The following LRP1B variants were observed in gnomAD, a reference collection of about 807,000 sequenced individuals.
LRP1B encodes the protein LDL receptor related protein 1B.
LRP1B carries 217 observed loss-of-function variants against 556.6 expected under a neutral mutation model. The observed-to-expected ratio is 0.39, with a 90% CI of 0.35 to 0.44. The LOEUF (loss-of-function observed/expected upper bound fraction) is 0.44, where lower values mean the gene tolerates loss of function less well. Ranked by LOEUF, LRP1B falls within the 20% of genes least tolerant of loss-of-function variation. LRP1B has a pLI of 1.00. For synonymous variants in LRP1B, 2,047 were observed against 1,865.8 expected, an observed-to-expected ratio of 1.10 and a Z score of -2.50; for missense variants, 5,053 against 5,620.8, an observed-to-expected ratio of 0.90 and a Z score of 3.23.
chr2:140,254,019 T>G (rs1276359190), intron 86 of LRP1B, among the ~76,000 whole-genome samples: 1 of 152,134 alleles, frequency 6.6e-6, no homozygotes, highest in African/African-American at 2.4e-5. Flanking sequence ...GCTAGCTTGC[T>G]ACCTAAATAT....
intron 2 of LRP1B, among the ~76,000 whole-genome samples, chr2:141,791,264 T>C (rs1354861820): frequency 2.6e-5 from 4 of 151,968 alleles, no homozygotes; most frequent in Admixed American, 2.6e-4. Flanking sequence ...CTAAAACATA[T>C]ACATATATAG....
chr2:140,247,307 CT>C (rs1302643926), intron 86 of LRP1B, 145 bp from the exon 87 acceptor site: 46 of 620,646 alleles, frequency 7.4e-5, no homozygotes, highest in Non-Finnish European at 6.8e-5. Flanking sequence ...TTCTGATGAT[CT>C]CTTGCATATT....
intron 3 of LRP1B, among the ~76,000 whole-genome samples, chr2:141,315,558 C>T (rs188044291): frequency 2.0e-5 from 3 of 151,236 alleles, no homozygotes; most frequent in African/African-American, 4.8e-5. Context: ...CACGCCCGGC[C>T]GAATGATTGT....
chr2:140,286,058 C>T (rs907862884), intron 84 of LRP1B, among the ~76,000 whole-genome samples: 1 of 151,718 alleles, frequency 6.6e-6, no homozygotes. Context: ...TAAAACAGTA[C>T]AATAAGAGCA....
intron 25 of LRP1B, among the ~76,000 whole-genome samples, chr2:140,876,122 G>A (rs1185988436): frequency 6.6e-6 from 1 of 152,120 alleles, no homozygotes; most frequent in Non-Finnish European, 1.5e-5. Context: ...CTCATGGAGA[G>A]CTGAAATGTT....
intron 67 of LRP1B, among the ~76,000 whole-genome samples, chr2:140,379,837 G>GCCATTTGAT: frequency 6.6e-6 from 1 of 152,250 alleles, no homozygotes; most frequent in Middle Eastern, 3.4e-3. Flanking sequence ...AAGACAAGGT[G>GCCATTTGAT]CCATTTGATA....
Position 140,576,850 on chromosome 2 carries a change from A to T in LRP1B, c.7194+21781T>A, listed in dbSNP as rs377731750. On this transcript the variant is annotated intron_variant, in intron 43 of 90. Transcript: ENST00000389484. ...ATTCTATACTTCCAAAAGTAAACAC[A>T]TTGAAGTCTCTCTCCTTTCTTACAG... Among the ~76,000 whole-genome samples, 14 of 152,302 alleles carry T rather than the reference A, an allele frequency of 9.2e-5. No individual in the cohort carries two copies. In the East Asian group the frequency reaches 2.5e-3, roughly 27 times the overall value.
intron 2 of LRP1B, among the ~76,000 whole-genome samples, chr2:141,700,212 C>T (rs1691890459): frequency 1.3e-5 from 2 of 151,592 alleles, no homozygotes; most frequent in South Asian, 4.2e-4. Context: ...GGTAAGATAC[C>T]TTCGACATTA....
At chr2:140,573,976 T>C (rs1176087992) in intron 43 of LRP1B, among the ~76,000 whole-genome samples, 1 of 152,096 alleles carries the variant, frequency 6.6e-6, no homozygotes, top group African/African-American at 2.4e-5. Flanking sequence ...TAAGATCTTT[T>C]ACAATAGAAA....
At chr2:141,917,205 T>C (rs1700060675) in intron 1 of LRP1B, among the ~76,000 whole-genome samples, 1 of 152,188 alleles carries the variant, frequency 6.6e-6, no homozygotes, top group South Asian at 2.1e-4. Context: ...ACTGAAGAGC[T>C]AGCTTAATTC....
intron 1 of LRP1B, among the ~76,000 whole-genome samples, chr2:142,013,273 T>C (rs1334865997): frequency 6.6e-6 from 1 of 152,126 alleles, no homozygotes; most frequent in Non-Finnish European, 1.5e-5. Context: ...GTGGAGGCTC[T>C]TAAAGGAAGT....
At chr2:140,910,804 C>T (rs868075968) in intron 21 of LRP1B, among the ~76,000 whole-genome samples, 8 of 151,774 alleles carry the variant, frequency 5.3e-5, no homozygotes, top group Non-Finnish European at 8.9e-5. Context: ...CTAGATTTGA[C>T]AATAATGTAA....
At chr2:140,990,191 C>T (rs1449362088) in intron 16 of LRP1B, among the ~76,000 whole-genome samples, 1 of 124,352 alleles carries the variant, frequency 8.0e-6, no homozygotes, top group Non-Finnish European at 1.7e-5. Flanking sequence ...AGCGAAACTC[C>T]ATCTCAAAAA....
Position 140,703,158 on chromosome 2 carries a change from T to C in LRP1B, c.6024-605A>G, listed in dbSNP as rs531440821. The stretch of plus-strand genomic sequence containing the variant: ...TTTCTATTTTTTCTACTTAGACTGC[T>C]AAATGTAACTAATCTAGTTTGAATT... On this transcript the variant is annotated intron_variant, in intron 37 of 90. Coordinates refer to ENST00000389484, the MANE Select transcript of LRP1B (RefSeq NM_018557.3). Among the ~76,000 whole-genome samples, 6 of 152,290 alleles carry C rather than the reference T, an allele frequency of 3.9e-5. No homozygotes were observed. In the East Asian group the frequency reaches 9.6e-4, roughly 24 times the overall value.
intron 7 of LRP1B, among the ~76,000 whole-genome samples, chr2:141,089,167 A>G (rs1700116258): frequency 6.6e-6 from 1 of 152,214 alleles, no homozygotes; most frequent in African/African-American, 2.4e-5. Context: ...GAAGACTAAT[A>G]GCAGCAACAA....
At chr2:140,803,272 T>TTTG (rs1690582265) in intron 32 of LRP1B, among the ~76,000 whole-genome samples, 1 of 132,480 alleles carries the variant, frequency 7.5e-6, no homozygotes, top group African/African-American at 3.0e-5. Flanking sequence ...TTTTTTTTTT[T>TTTG]TTTTTTTTTT....
intron 20 of LRP1B, among the ~76,000 whole-genome samples, chr2:140,927,605 T>C (rs2105265847): frequency 6.6e-6 from 1 of 151,556 alleles, no homozygotes; most frequent in African/African-American, 2.4e-5. Context: ...ATAAAATTTA[T>C]CATTTATTTT....
intron 2 of LRP1B, among the ~76,000 whole-genome samples, chr2:141,605,622 T>G (rs1231238957): frequency 1.3e-5 from 2 of 152,200 alleles, no homozygotes; most frequent in Non-Finnish European, 2.9e-5. Flanking sequence ...GCCCATTACA[T>G]GATCCACTGG....
At chr2:141,179,942 A>T (rs140299846) in intron 7 of LRP1B, among the ~76,000 whole-genome samples, 2,965 of 150,390 alleles carry the variant, frequency 0.02, 50 homozygotes, top group Middle Eastern at 0.058. Context: ...CTACAGTAAA[A>T]TCTCAAATTT....
Sources: allele counts gnomAD v4.1 joint callset (sites outside exome capture counted in the v4.1 genomes callset), GRCh38; gene constraint gnomAD v4.1.1; transcripts MANE v1.5; gene names NCBI Gene and HGNC (gene_info 2026-07-23, HGNC 2026-07-21).